CREB5: variants seen among roughly 807,000 people sequenced by gnomAD.
CREB5 encodes the protein cyclic AMP-responsive element-binding protein 5.
Under a neutral mutation model 57.1 loss-of-function variants are expected in CREB5, and 19 were observed. The ratio of observed to expected loss-of-function variants is 0.33; its 90% CI spans 0.23 to 0.49. The LOEUF is 0.49. Ranked by LOEUF, CREB5 falls within the 20% of genes least tolerant of loss-of-function variation. CREB5 has a pLI of 0.99. For synonymous variants in CREB5, 238 were observed against 238.3 expected (o/e 1.00, Z 0.01); for missense variants, 579 against 671.6 (o/e 0.86, Z 1.52).
intron 5 of CREB5, among the ~76,000 whole-genome samples, chr7:28,652,703 G>A (rs181594017): frequency 4.6e-4 from 70 of 152,302 alleles, no homozygotes; most frequent in African/African-American, 1.7e-3. Flanking sequence ...ACAATAAACT[G>A]TTATTACATA....
At chr7:28,738,816 T>A (rs1040026271) in intron 7 of CREB5, among the ~76,000 whole-genome samples, 23 of 152,292 alleles carry the variant, frequency 1.5e-4, no homozygotes, top group African/African-American at 4.8e-4. Flanking sequence ...TTCCAACAAG[T>A]CTGTTTTGTA....
chr7:28,733,162 T>G (rs1449417760), intron 7 of CREB5, among the ~76,000 whole-genome samples: 1 of 152,140 alleles, frequency 6.6e-6, no homozygotes, highest in Admixed American at 6.5e-5. Flanking sequence ...GATTAAAAAG[T>G]GCAACCAGAG....
At chr7:28,455,177 C>T (rs1790038538) in intron 1 of CREB5, among the ~76,000 whole-genome samples, 1 of 152,230 alleles carries the variant, frequency 6.6e-6, no homozygotes, top group Non-Finnish European at 1.5e-5. Context: ...AAATCATTCA[C>T]TTATCAGTGG....
At chr7:28,750,278 G>A (rs545661591) in intron 7 of CREB5, among the ~76,000 whole-genome samples, 102 of 152,104 alleles carry the variant, frequency 6.7e-4, no homozygotes, top group African/African-American at 2.2e-3. Context: ...ATCCTGCCTC[G>A]CCCTTGGGGT....
chr7:28,439,051 C>T (rs113866628), intron 1 of CREB5, among the ~76,000 whole-genome samples: 4 of 152,276 alleles, frequency 2.6e-5, no homozygotes, highest in African/African-American at 9.6e-5. Flanking sequence ...TGACCACAGA[C>T]AGATCTACTT....
At chr7:28,620,948 A>G (rs538145672) in intron 5 of CREB5, among the ~76,000 whole-genome samples, 73 of 152,270 alleles carry the variant, frequency 4.8e-4, no homozygotes, top group Non-Finnish European at 8.7e-4. Context: ...TTTTACCTAA[A>G]TCCCAGCCCC....
intron 1 of CREB5, among the ~76,000 whole-genome samples, chr7:28,328,844 A>C (rs1427709441): frequency 6.6e-6 from 1 of 152,206 alleles, no homozygotes; most frequent in Non-Finnish European, 1.5e-5. Context: ...CAAACTTTGA[A>C]AACCACGGCT....
intron 5 of CREB5, among the ~76,000 whole-genome samples, chr7:28,608,642 C>T (rs1221685165): frequency 2.0e-5 from 3 of 152,146 alleles, no homozygotes; most frequent in African/African-American, 4.8e-5. Context: ...TAAGGACTTA[C>T]ATCAGTAACT....
In CREB5 at chr7:28,369,220, G is replaced by A. The variant is rs1335642005; in HGVS notation, c.-25+69779G>A. Among the ~76,000 whole-genome samples, 3 of 152,176 alleles carry A rather than the reference G, an allele frequency of 2.0e-5. No individual in the cohort carries two copies. The East Asian group carries it at 5.8e-4, about 29-fold the overall frequency. Reference sequence around the variant, plus strand: ...CTCAATATGTAGTTGTTGAATAGACGCAGAAATTTTTACTGTTTGCTACAG... The same window carrying A: ...CTCAATATGTAGTTGTTGAATAGACACAGAAATTTTTACTGTTTGCTACAG... On this transcript the variant is annotated intron_variant, in intron 1 of 9. Transcript: ENST00000396299.
At chr7:28,666,044 T>C (rs1364980786) in intron 5 of CREB5, among the ~76,000 whole-genome samples, 2 of 152,116 alleles carry the variant, frequency 1.3e-5, no homozygotes, top group Non-Finnish European at 2.9e-5. Flanking sequence ...TCATTTCATC[T>C]CTCAAAAAAT....
At chr7:28,350,637 C>T in intron 1 of CREB5, among the ~76,000 whole-genome samples, 1 of 152,054 alleles carries the variant, frequency 6.6e-6, no homozygotes, top group East Asian at 1.9e-4. Context: ...AGAGATTCCT[C>T]TCTTTGCTCC....
At chr7:28,611,723 AT>A (rs975148397) in intron 5 of CREB5, among the ~76,000 whole-genome samples, 11 of 150,844 alleles carry the variant, frequency 7.3e-5, no homozygotes, top group Non-Finnish European at 1.6e-4. Context: ...TAAAATATAT[AT>A]GTGCGAGGTA....
At chr7:28,420,532 C>A (rs1244678496) in intron 1 of CREB5, among the ~76,000 whole-genome samples, 1 of 152,130 alleles carries the variant, frequency 6.6e-6, no homozygotes, top group East Asian at 1.9e-4. Context: ...TGAGGCCGGG[C>A]ATGGTGGCTC....
chr7:28,522,864 C>T (rs1439650505), intron 4 of CREB5, among the ~76,000 whole-genome samples: 1 of 152,128 alleles, frequency 6.6e-6, no homozygotes, highest in Non-Finnish European at 1.5e-5. Context: ...TCAATGCCAC[C>T]AAAGGCATGT....
intron 4 of CREB5, among the ~76,000 whole-genome samples, chr7:28,551,319 T>C (rs1038225225): frequency 3.9e-5 from 6 of 152,224 alleles, no homozygotes; most frequent in Admixed American, 3.9e-4. Flanking sequence ...TAATGGCTTC[T>C]TTTGGAAACA....
At chr7:28,727,386 G>C (rs1201386937) in intron 7 of CREB5, among the ~76,000 whole-genome samples, 1 of 152,112 alleles carries the variant, frequency 6.6e-6, no homozygotes, top group East Asian at 1.9e-4. Flanking sequence ...TTAGATGAAA[G>C]TGGGATCTGC....
intron 1 of CREB5, among the ~76,000 whole-genome samples, chr7:28,354,166 T>C (rs1786294295): frequency 6.6e-6 from 1 of 152,156 alleles, no homozygotes; most frequent in South Asian, 2.1e-4. Flanking sequence ...GAAGGCGTGA[T>C]GGTTAATACT....
At chr7:28,639,275 A>G (rs1365077158) in intron 5 of CREB5, among the ~76,000 whole-genome samples, 1 of 152,166 alleles carries the variant, frequency 6.6e-6, no homozygotes, top group Non-Finnish European at 1.5e-5. Flanking sequence ...GTCTCCTCTT[A>G]AAACAGAACA....
intron 4 of CREB5, among the ~76,000 whole-genome samples, chr7:28,518,438 G>T (rs73299168): frequency 0.065 from 9,916 of 152,198 alleles, 742 homozygotes; most frequent in African/African-American, 0.19. Context: ...CCTTCTCCCA[G>T]CATGATTTGT....
Sources: allele counts gnomAD v4.1 joint callset (sites outside exome capture counted in the v4.1 genomes callset), GRCh38; gene constraint gnomAD v4.1.1; transcripts MANE v1.5; gene names NCBI Gene and HGNC (gene_info 2026-07-23, HGNC 2026-07-21).